ADAMTSL3: variants seen among roughly 807,000 people sequenced by gnomAD.
The protein encoded by ADAMTSL3 is ADAMTS like 3.
Under a neutral mutation model 201.7 loss-of-function variants are expected in ADAMTSL3, and 128 were observed. The ratio of observed to expected loss-of-function variants is 0.63; its 90% CI spans 0.55 to 0.73. ADAMTSL3 has a LOEUF of 0.73. Among genes scored for constraint, ADAMTSL3 ranks in the 30% least tolerant of loss-of-function variants. ADAMTSL3 has a pLI of 0.00. For synonymous variants in ADAMTSL3, 738 were observed against 748.4 expected (o/e 0.99, Z 0.23); for missense variants, 1,990 against 2,119.6 (o/e 0.94, Z 1.20).
At chr15:83,912,991 C>A in intron 15 of ADAMTSL3, 101 bp from the exon 16 acceptor site, 1 of 1,253,074 alleles carries the variant, frequency 8.0e-7, no homozygotes. Flanking sequence ...CCGAGTGAAG[C>A]TGGTTATTTT....
intron 6 of ADAMTSL3, 129 bp from the exon 7 acceptor site, chr15:83,837,960 A>T: frequency 8.9e-7 from 1 of 1,125,092 alleles, no homozygotes; most frequent in Non-Finnish European, 1.2e-6. Flanking sequence ...GATTTATAAA[A>T]CTATGTTCTC....
At chr15:83,882,704 G>T (rs189474444) in intron 9 of ADAMTSL3, among the ~76,000 whole-genome samples, 2 of 152,252 alleles carry the variant, frequency 1.3e-5, no homozygotes, top group East Asian at 3.9e-4. Flanking sequence ...TAGAATTCTA[G>T]ATCCAATATT....
chr15:83,917,789 T>A (rs1296218998), intron 16 of ADAMTSL3, among the ~76,000 whole-genome samples: 1 of 151,944 alleles, frequency 6.6e-6, no homozygotes. Flanking sequence ...ATTTGTAGAG[T>A]TGTGGTTTAT....
chr15:83,885,361 G>T, intron 10 of ADAMTSL3, 149 bp downstream of exon 10: 1 of 639,680 alleles, frequency 1.6e-6, no homozygotes, highest in Non-Finnish European at 2.7e-6. Context: ...ATGCAATCGT[G>T]TTAATGAAGA....
chr15:84,013,226 G>C (rs1294517773), intron 23 of ADAMTSL3, among the ~76,000 whole-genome samples: 2 of 152,170 alleles, frequency 1.3e-5, no homozygotes, highest in Admixed American at 6.5e-5. Flanking sequence ...AGGCTTACCA[G>C]GTTCCTCAAT....
chr15:83,865,855 A>G (rs2064963867), intron 8 of ADAMTSL3, among the ~76,000 whole-genome samples: 1 of 152,336 alleles, frequency 6.6e-6, no homozygotes, highest in Non-Finnish European at 1.5e-5. Flanking sequence ...AATTTTTGCA[A>G]TCTACTCATC....
At chr15:83,880,521 T>C (rs1342129355) in intron 9 of ADAMTSL3, among the ~76,000 whole-genome samples, 1 of 152,252 alleles carries the variant, frequency 6.6e-6, no homozygotes, top group Admixed American at 6.5e-5. Context: ...ACTATCTGGC[T>C]CTTTATAAAA....
chr15:84,029,347 A>G (rs1272936107), intron 27 of ADAMTSL3, among the ~76,000 whole-genome samples: 1 of 152,178 alleles, frequency 6.6e-6, no homozygotes, highest in Non-Finnish European at 1.5e-5. Context: ...CTTCTTGGGA[A>G]CTAGAGCAAA....
At chr15:83,819,782 T>C (rs761558842) in intron 5 of ADAMTSL3, 29 bp from the exon 6 acceptor site, 1 of 1,560,602 alleles carries the variant, frequency 6.4e-7, no homozygotes, top group South Asian at 1.1e-5. Context: ...CTGGGTGATG[T>C]GCATGTGGCC....
At chr15:84,015,174 G>C (rs950794804) in intron 24 of ADAMTSL3, among the ~76,000 whole-genome samples, 1 of 152,142 alleles carries the variant, frequency 6.6e-6, no homozygotes, top group Non-Finnish European at 1.5e-5. Flanking sequence ...TCAATCTCTT[G>C]ACCTCGTGAT....
intron 3 of ADAMTSL3, 94 bp from the exon 4 acceptor site, chr15:83,773,428 TG>T: frequency 7.2e-7 from 1 of 1,389,870 alleles, no homozygotes; most frequent in Non-Finnish European, 9.9e-7. Context: ...AAGGTGACTC[TG>T]GAATAACTGG....
intron 19 of ADAMTSL3, among the ~76,000 whole-genome samples, chr15:83,964,298 TA>T (rs1445012962): frequency 1.3e-5 from 2 of 152,088 alleles, no homozygotes; most frequent in Non-Finnish European, 2.9e-5. Flanking sequence ...GAGGAATTGC[TA>T]ACTAGAATAA....
intron 8 of ADAMTSL3, among the ~76,000 whole-genome samples, chr15:83,868,923 C>A (rs1432961672): frequency 1.3e-5 from 2 of 152,138 alleles, no homozygotes; most frequent in African/African-American, 4.8e-5. Context: ...ATCGTAGCAA[C>A]TGGTCCTCCC....
chr15:83,998,758 G>C (rs2067736045), intron 23 of ADAMTSL3, among the ~76,000 whole-genome samples: 1 of 152,246 alleles, frequency 6.6e-6, no homozygotes, highest in South Asian at 2.1e-4. Context: ...CTCCAAAAAG[G>C]GATGAAGAAT....
In ADAMTSL3 at chr15:83,668,428, T is replaced by C. The variant is rs545565208; in HGVS notation, c.69+12598T>C. 7.9e-5 allele frequency among the ~76,000 whole-genome samples: 12 copies of C among 152,228 alleles called. No individual in the cohort carries two copies. In the East Asian group the frequency reaches 2.3e-3, roughly 29 times the overall value. On this transcript the variant is annotated intron_variant, in intron 2 of 29. Transcript: ENST00000286744. ...CACTTTGACACTATACCTACATGAT[T>C]TCTTCCTTATTCTGAAGTGTCATAT...
At chr15:84,028,620 TC>T (rs1166794016) in intron 27 of ADAMTSL3, among the ~76,000 whole-genome samples, 31 of 152,324 alleles carry the variant, frequency 2.0e-4, no homozygotes, top group African/African-American at 7.5e-4. Context: ...TTAAGCATAG[TC>T]ATTTCCGGAC....
intron 15 of ADAMTSL3, among the ~76,000 whole-genome samples, chr15:83,905,714 T>C (rs148299217): frequency 0.014 from 2,193 of 152,312 alleles, 28 homozygotes; most frequent in South Asian, 0.025. Flanking sequence ...AATTCCAAAT[T>C]GCACATCTCT....
chr15:83,663,774 G>A (rs1414308274), intron 2 of ADAMTSL3, among the ~76,000 whole-genome samples: 3 of 152,206 alleles, frequency 2.0e-5, no homozygotes, highest in Non-Finnish European at 4.4e-5. Flanking sequence ...TGCAGACACC[G>A]CTTTATTGCC....
intron 4 of ADAMTSL3, among the ~76,000 whole-genome samples, chr15:83,779,451 C>T (rs917168883): frequency 1.3e-5 from 2 of 152,044 alleles, no homozygotes. Context: ...GTAATCCCAG[C>T]ACTTTGGGAG....
Sources: gnomAD v4.1 joint callset for allele counts (sites outside exome capture counted in the v4.1 genomes callset) on GRCh38, gnomAD v4.1.1 for gene constraint, MANE v1.5 for transcripts, NCBI Gene and HGNC (gene_info 2026-07-23, HGNC 2026-07-21) for gene names.